Variants in SYNE1 observed in about 807,000 individuals in gnomAD.
The protein encoded by SYNE1 is spectrin repeat containing nuclear envelope protein 1, also known as nesprin-1.
SYNE1 carries 616 observed loss-of-function variants against 1,111.0 expected under a neutral mutation model. The ratio of observed to expected loss-of-function variants is 0.55; its 90% CI spans 0.52 to 0.59. The LOEUF (loss-of-function observed/expected upper bound fraction) is 0.59, where lower values mean the gene tolerates loss of function less well. SYNE1 is among the 20% of genes least tolerant of loss of function. SYNE1 has a pLI of 0.00. For synonymous variants in SYNE1, 3,855 were observed against 3,825.8 expected (o/e 1.01, Z -0.28); for missense variants, 10,006 against 10,417.0 (o/e 0.96, Z 1.72).
intron 44 of SYNE1, among the ~76,000 whole-genome samples, chr6:152,408,770 A>G (rs1563787744): frequency 6.6e-6 from 1 of 152,124 alleles, no homozygotes; most frequent in African/African-American, 2.4e-5. Flanking sequence ...CCTGACCAAC[A>G]TGGAGAAACC....
At chr6:152,419,039 T>A (rs1024576439) in intron 40 of SYNE1, among the ~76,000 whole-genome samples, 8 of 152,320 alleles carry the variant, frequency 5.3e-5, no homozygotes, top group Non-Finnish European at 1.2e-4. Context: ...ACATAATAAA[T>A]GTGTTTGCCA....
intron 131 of SYNE1, among the ~76,000 whole-genome samples, chr6:152,158,437 G>A (rs530979770): frequency 6.6e-6 from 1 of 152,116 alleles, no homozygotes; most frequent in East Asian, 1.9e-4. Context: ...TTGATGCCAT[G>A]TTCCAACATC....
intron 49 of SYNE1, 116 bp downstream of exon 49, chr6:152,398,503 T>C: frequency 2.4e-6 from 2 of 835,948 alleles, no homozygotes; most frequent in South Asian, 1.4e-5. Context: ...CTAATTCTGT[T>C]AGGGACGAGG....
intron 14 of SYNE1, chr6:152,480,639 G>A: frequency 2.8e-6 from 1 of 353,176 alleles, no homozygotes; most frequent in East Asian, 7.7e-5. Context: ...ATTGTTTTAT[G>A]AGCTACTTTA....
chr6:152,156,478 C>T (rs530260844), intron 131 of SYNE1, among the ~76,000 whole-genome samples: 14 of 152,294 alleles, frequency 9.2e-5, no homozygotes, highest in Admixed American at 8.5e-4. Context: ...TGGTTCCAGA[C>T]CTTCCCTCGG....
rs1228702895 is a variant in SYNE1 at position 152,308,601 on chromosome 6, T to C, written c.17234A>G (p.Gln5745Arg). 1 of 1,613,474 alleles carries C rather than the reference T, an allele frequency of 6.2e-7. No individual in the cohort carries two copies. Among genetic ancestry groups the C allele is most frequent in the Non-Finnish European group, 8.5e-7 (1 of 1,179,946 alleles). Residue 5745 changes from glutamine to arginine, a missense_variant, in exon 91 of 146, where the codon CAA (glutamine) becomes CGA (arginine). By Grantham distance (43) the Gln-to-Arg change is conservative. Coordinates refer to ENST00000367255, the MANE Select transcript of SYNE1 (RefSeq NM_182961.4). The stretch of plus-strand genomic sequence containing the variant: ...CAGTTGCTGGAGATGTTTCATTTCT[T>C]GCTCATATTGTTCATATTGTACCAC... Reference protein sequence around the residue: ...EAVVQYEQYEQEMKHLQQLIE... With the variant: ...EAVVQYEQYEREMKHLQQLIE...
intron 20 of SYNE1, 132 bp from the exon 21 acceptor site, chr6:152,461,872 T>G: frequency 3.5e-6 from 4 of 1,150,090 alleles, no homozygotes; most frequent in Non-Finnish European, 5.1e-6. Context: ...CTTTCGACGA[T>G]TCCAGTTTTT....
intron 46 of SYNE1, chr6:152,402,268 T>C (rs1347735262): frequency 6.6e-6 from 1 of 152,316 alleles, no homozygotes; most frequent in African/African-American, 2.4e-5. Flanking sequence ...CCCAGTGAAG[T>C]TCCCTAGACA....
At chr6:152,274,409 T>C (rs1163584786) in intron 98 of SYNE1, among the ~76,000 whole-genome samples, 4 of 152,180 alleles carry the variant, frequency 2.6e-5, no homozygotes, top group Non-Finnish European at 5.9e-5. Flanking sequence ...CTTATTGTTT[T>C]ACAAAAGATT....
intron 125 of SYNE1, among the ~76,000 whole-genome samples, chr6:152,206,581 A>G (rs1266320453): frequency 6.6e-6 from 1 of 152,218 alleles, no homozygotes; most frequent in Non-Finnish European, 1.5e-5. Context: ...ATGTAATAAG[A>G]TAACCACTCT....
chr6:152,206,175 A>C lies in SYNE1; in HGVS notation c.23012T>G (p.Leu7671Trp). Residue 7671 changes from leucine to tryptophan, a missense_variant, in exon 126 of 146, where the codon TTG (leucine) becomes TGG (tryptophan). Leu to Trp is a moderately conservative substitution (Grantham distance 61). This residue lies in a region of SYNE1 where 2,182 missense variants were observed against 2,287.8 expected (regional missense o/e 0.95). Transcript: ENST00000367255. ...TTTTCTAACTGAACTTACTTTCAAC[A>C]AGAAGGCTAGTTTTTTCTTCTGTTC... is the stretch of plus-strand genomic sequence containing the variant. ...LEEQKKKLAF[L>W]LKDWEKCEKG... is the part of the protein sequence containing the mutation. The C allele has an allele frequency of 1.2e-6, 2 of 1,613,502 alleles. No homozygotes were observed. The highest frequency in any genetic ancestry group is 1.1e-5 in the South Asian group (1 of 91,040).
chr6:152,256,270 AT>A (rs1300218465), intron 102 of SYNE1, among the ~76,000 whole-genome samples: 38 of 151,402 alleles, frequency 2.5e-4, no homozygotes, highest in Admixed American at 2.2e-3. Flanking sequence ...AATAAAAAAA[AT>A]AAAAAAAAAT....
chr6:152,339,964 C>T (rs1378846126), intron 74 of SYNE1, among the ~76,000 whole-genome samples: 4 of 152,158 alleles, frequency 2.6e-5, no homozygotes, highest in East Asian at 1.9e-4. Context: ...AGATACTGGG[C>T]ATAGAGCAGC....
In SYNE1 at chr6:152,387,083, T is replaced by A. The variant is rs1206951362; in HGVS notation, c.8476A>T (p.Thr2826Ser). The change falls in exon 54 of 146, where the codon ACT (threonine) becomes TCT (serine). Residue 2826 changes from threonine (T) to serine (S), a missense_variant. Physicochemically the swap from Thr to Ser is moderately conservative, Grantham distance 58. Coordinates refer to ENST00000367255, the MANE Select transcript of SYNE1 (RefSeq NM_182961.4). ...TATAAAGCACTAACCTTGGCAACAG[T>A]CATTATATCATTAAACTGTGTTTTC... ...ELKTQFNDIMTVAKEKMRKVE... is the reference protein window; with the variant it reads ...ELKTQFNDIMSVAKEKMRKVE... 1.2e-6 allele frequency: 2 copies of A among 1,613,394 alleles called. No individual in the cohort carries two copies. The highest frequency in any genetic ancestry group is 1.7e-4 in the Middle Eastern group (1 of 5,914).
chr6:152,406,943 A>C (rs1241946579), intron 45 of SYNE1, 71 bp downstream of exon 45: 2 of 1,103,418 alleles, frequency 1.8e-6, no homozygotes, highest in Non-Finnish European at 2.5e-6. Flanking sequence ...TTTAAGAAAG[A>C]CTTTTTTTTT....
intron 50 of SYNE1, 140 bp downstream of exon 50, chr6:152,396,635 C>T (rs575741144): frequency 3.4e-6 from 3 of 874,966 alleles, no homozygotes; most frequent in South Asian, 3.0e-5. Flanking sequence ...CCTAGTATCA[C>T]CTGTATTTAT....
intron 20 of SYNE1, chr6:152,462,479 T>A: frequency 1.7e-6 from 1 of 585,964 alleles, no homozygotes; most frequent in Non-Finnish European, 3.0e-6. Flanking sequence ...TCCTGTTTTT[T>A]CCTAATACTT....
At chr6:152,356,555 A>G (rs1455775144) in intron 66 of SYNE1, among the ~76,000 whole-genome samples, 1 of 148,840 alleles carries the variant, frequency 6.7e-6, no homozygotes, top group Non-Finnish European at 1.5e-5. Context: ...TTAAAAATAT[A>G]TAAACTATAT....
rs1554842938 is a variant in SYNE1 at position 152,520,478 on chromosome 6, T to C, written c.290A>G (p.Lys97Arg). ...TCTTACCTTTCTTCCTTCGAGGAACTTGAGTGCCGTGCCAATGTTAGCCAC... is the reference window on the plus strand; with the variant it reads ...TCTTACCTTTCTTCCTTCGAGGAACCTGAGTGCCGTGCCAATGTTAGCCAC... ...HAVANIGTALKFLEGRKIKLV... is the reference protein window; with the variant it reads ...HAVANIGTALRFLEGRKIKLV... Residue 97 changes from lysine to arginine, a missense_variant, in exon 6 of 146, where the codon AAG (lysine) becomes AGG (arginine). This residue lies in a region of SYNE1 where 1,971 missense variants were observed against 2,084.1 expected (regional missense o/e 0.95). Transcript: ENST00000367255. The C allele has an allele frequency of 6.2e-7, 1 of 1,613,662 alleles. No homozygotes were observed. Among genetic ancestry groups the C allele is most frequent in the South Asian group, 1.1e-5 (1 of 91,080 alleles).
Sources: gnomAD v4.1 joint callset for allele counts (sites outside exome capture counted in the v4.1 genomes callset) on GRCh38, gnomAD v4.1.1 for gene constraint, gnomAD v4.1.1 regional missense constraint, MANE v1.5 for transcripts, NCBI Gene and HGNC (gene_info 2026-07-23, HGNC 2026-07-21) for gene names.